INSR: variants seen among roughly 807,000 people sequenced by gnomAD.
INSR encodes insulin receptor.
Under a neutral mutation model 142.6 loss-of-function variants are expected in INSR, and 67 were observed. The ratio of observed to expected loss-of-function variants is 0.47; its 90% CI spans 0.39 to 0.58. INSR has a LOEUF of 0.58. Among genes scored for constraint, INSR ranks in the 20% least tolerant of loss-of-function variants. The pLI, the probability that INSR is intolerant of heterozygous loss-of-function variation, is 0.00. For synonymous variants in INSR, 756 were observed against 743.1 expected (o/e 1.02, Z -0.28); for missense variants, 1,248 against 1,833.2 (o/e 0.68, Z 5.83).
At chr19:7,172,254 A>T in intron 5 of INSR, 36 bp downstream of exon 5, 1 of 1,611,926 alleles carries the variant, frequency 6.2e-7, no homozygotes, top group Non-Finnish European at 8.5e-7. Flanking sequence ...CTTCCTAGTT[A>T]GCACTCAGGC....
chr19:7,268,845 T>C (rs1005455150), intron 1 of INSR, among the ~76,000 whole-genome samples: 2 of 152,082 alleles, frequency 1.3e-5, no homozygotes, highest in African/African-American at 4.8e-5. Context: ...GCTCCCTATT[T>C]CTAAATCCAG....
intron 6 of INSR, among the ~76,000 whole-genome samples, chr19:7,170,194 G>A: frequency 6.6e-6 from 1 of 151,896 alleles, no homozygotes; most frequent in African/African-American, 2.4e-5. Context: ...TTCTCACAGG[G>A]GTGTGAACCC....
Position 7,163,154 on chromosome 19 carries a change from G to T in INSR, c.1907C>A (p.Ser636Tyr), listed in dbSNP as rs1168145595. Residue 636 changes from serine to tyrosine, a missense_variant, in exon 9 of 22, where the codon TCC (serine) becomes TAC (tyrosine). This residue lies in a region of INSR where 1,069 missense variants were observed against 1,654.0 expected (regional missense o/e 0.65). Transcript: ENST00000302850. ...LDPISVSNSSSQIILKWKPPS... is the reference protein window; with the variant it reads ...LDPISVSNSSYQIILKWKPPS... ...TGGTTTCCACTTCAGAATAATCTGG[G>T]ATGATGAGTTAGACACTGAGATTGG... 9.3e-6 allele frequency: 15 copies of T among 1,613,834 alleles called. No homozygotes were observed. Among genetic ancestry groups the T allele is most frequent in the African/African-American group, 1.3e-5 (1 of 74,914 alleles).
chr19:7,132,355 C>T, intron 13 of INSR, 38 bp from the exon 14 acceptor site: 2 of 1,604,882 alleles, frequency 1.2e-6, no homozygotes, highest in Non-Finnish European at 1.7e-6. Context: ...GGTGGCTGAG[C>T]TTTGCACATC....
At chr19:7,182,917 A>AAC (rs1974312529) in intron 3 of INSR, among the ~76,000 whole-genome samples, 1 of 151,950 alleles carries the variant, frequency 6.6e-6, no homozygotes, top group Non-Finnish European at 1.5e-5. Flanking sequence ...CCAAAAAAAA[A>AAC]AAAAAAAACC....
chr19:7,202,246 G>T lies in INSR; in HGVS notation c.653-17609C>A, dbSNP rs537283913. On this transcript the variant is annotated intron_variant, in intron 2 of 21. Coordinates refer to ENST00000302850, the MANE Select transcript of INSR (RefSeq NM_000208.4). ...ATCTCTCTAAAAGATCCAGCTTTTT[G>T]ATTTTGTCAGTTCTATTTGTTTTCT... Among the ~76,000 whole-genome samples the T allele has an allele frequency of 4.6e-5, 7 of 152,236 alleles. No individual in the cohort carries two copies. In the East Asian group the frequency reaches 7.7e-4, roughly 17 times the overall value.
chr19:7,130,355 T>G (rs1195751605), intron 14 of INSR, among the ~76,000 whole-genome samples: 1 of 152,220 alleles, frequency 6.6e-6, no homozygotes, highest in Non-Finnish European at 1.5e-5. Flanking sequence ...AGTGAGACAC[T>G]GACCACACAT....
chr19:7,198,341 G>C (rs561210549), intron 2 of INSR, among the ~76,000 whole-genome samples: 1 of 152,072 alleles, frequency 6.6e-6, no homozygotes, highest in Non-Finnish European at 1.5e-5. Context: ...CCGGCCAGAG[G>C]AAAGGGCGCC....
At chr19:7,215,270 G>C (rs1975398585) in intron 2 of INSR, among the ~76,000 whole-genome samples, 1 of 152,162 alleles carries the variant, frequency 6.6e-6, no homozygotes, top group African/African-American at 2.4e-5. Context: ...ATGGTCAAAT[G>C]CTTCAAACAA....
At chr19:7,135,828 C>T (rs991975231) in intron 13 of INSR, among the ~76,000 whole-genome samples, 3 of 151,730 alleles carry the variant, frequency 2.0e-5, no homozygotes, top group Non-Finnish European at 4.4e-5. Context: ...ATTAGCCGGG[C>T]GAGGTCGTGG....
Position 7,119,527 on chromosome 19 carries a change from C to T in INSR, c.3716G>A (p.Gly1239Asp), listed in dbSNP as rs775027642. 6.2e-7 allele frequency: 1 copy of T among 1,614,116 alleles called. No homozygotes were observed. The highest frequency in any genetic ancestry group is 8.5e-7 in the Non-Finnish European group (1 of 1,179,960). Reference sequence around the variant, plus strand: ...TTTCAACACCTGTTCATTAGACAGGCCTTGGTAAGGCTGTTCTGCCAAGCT... The same window carrying T: ...TTTCAACACCTGTTCATTAGACAGGTCTTGGTAAGGCTGTTCTGCCAAGCT... Reference protein sequence around the residue: ...ITSLAEQPYQGLSNEQVLKFV... With the variant: ...ITSLAEQPYQDLSNEQVLKFV... The change falls in exon 21 of 22, where the codon GGC (glycine) becomes GAC (aspartate). Residue 1239 changes from glycine (G) to aspartate (D), a missense_variant. Transcript: ENST00000302850. This position sits in a 1 kb window ranked among gnomAD's most constrained non-coding sequence, Gnocchi z 5.2.
intron 16 of INSR, 59 bp downstream of exon 16, chr19:7,126,525 A>G (rs754436974): frequency 1.1e-4 from 150 of 1,415,326 alleles, no homozygotes; most frequent in Non-Finnish European, 1.4e-4. Flanking sequence ...TCAATGGTGA[A>G]GGCAAAGGAA....
chr19:7,216,529 G>A lies in INSR; in HGVS notation c.653-31892C>T, dbSNP rs564398333. Among the ~76,000 whole-genome samples the A allele has an allele frequency of 3.3e-4, 50 of 152,178 alleles. No homozygotes were observed. Among genetic ancestry groups the A allele is most frequent in the Non-Finnish European group, 5.9e-4 (40 of 68,028 alleles). On this transcript the variant is annotated intron_variant, in intron 2 of 21. Transcript: ENST00000302850. This position sits in a 1 kb window ranked among gnomAD's most constrained non-coding sequence, Gnocchi z 4.2. ...AGGGAACCACGGGGGATGTCCCCGG[G>A]CTCTGGGTTCGAAAATGCAGGCCCC...
chr19:7,174,007 G>T (rs1324665970), intron 4 of INSR, among the ~76,000 whole-genome samples: 1 of 151,972 alleles, frequency 6.6e-6, no homozygotes, highest in African/African-American at 2.4e-5. Flanking sequence ...CCAAAGCCAG[G>T]TGGGGTGGCT....
chr19:7,146,639 T>C (rs999641864), intron 11 of INSR, among the ~76,000 whole-genome samples: 3 of 152,238 alleles, frequency 2.0e-5, no homozygotes, highest in Non-Finnish European at 4.4e-5. Flanking sequence ...TTTTCTATTA[T>C]AGGAAATAGT....
In INSR at chr19:7,119,441, A is replaced by G. The variant is rs780312000; in HGVS notation, c.3794+8T>C. ...ACCTCACACACCTTAAACCCTTTCT[A>G]CACTTACACTCTCTCTGGACAGTTG... On this transcript the variant is annotated splice_region_variant and intron_variant, in intron 21 of 21. Transcript: ENST00000302850. This position sits in a 1 kb window ranked among gnomAD's most constrained non-coding sequence, Gnocchi z 5.2. The G allele has an allele frequency of 1.2e-6, 2 of 1,614,164 alleles. No homozygotes were observed. Among genetic ancestry groups the G allele is most frequent in the Non-Finnish European group, 1.7e-6 (2 of 1,180,016 alleles).
At chr19:7,198,228 G>T (rs1403796618) in intron 2 of INSR, among the ~76,000 whole-genome samples, 2 of 151,322 alleles carry the variant, frequency 1.3e-5, no homozygotes, top group Non-Finnish European at 3.0e-5. Flanking sequence ...CTCGCGCTCA[G>T]CCAATGGGCG....
intron 2 of INSR, among the ~76,000 whole-genome samples, chr19:7,187,956 C>T (rs1372359907): frequency 6.6e-6 from 1 of 152,152 alleles, no homozygotes; most frequent in African/African-American, 2.4e-5. Context: ...CAACTCCCTA[C>T]AGGCCTTGGG....
intron 8 of INSR, among the ~76,000 whole-genome samples, chr19:7,164,092 TAAAAAAAAAA>T (rs4031077): frequency 5.0e-5 from 4 of 80,276 alleles, no homozygotes; most frequent in African/African-American, 4.8e-5. Flanking sequence ...GAAACTCCGT[TAAAAAAAAAA>T]AAAAAAAAAA....
Sources: allele counts gnomAD v4.1 joint callset (sites outside exome capture counted in the v4.1 genomes callset), GRCh38; gene constraint gnomAD v4.1.1; regional missense constraint gnomAD v4.1.1; non-coding constraint Gnocchi (gnomAD v3.1); transcripts MANE v1.5; gene names NCBI Gene and HGNC (gene_info 2026-07-23, HGNC 2026-07-21).